The following SAMD9L variants were observed in gnomAD, a reference collection of about 807,000 sequenced individuals.
The protein encoded by SAMD9L is sterile alpha motif domain-containing protein 9-like.
In SAMD9L, 68 loss-of-function variants were observed where a neutral mutation model predicts 90.7. The observed-to-expected ratio is 0.75, with a 90% CI of 0.62 to 0.92. SAMD9L has a LOEUF of 0.92. Ranked by LOEUF, SAMD9L falls within the 40% of genes least tolerant of loss-of-function variation. The pLI is 0.00. For missense variants in SAMD9L, 1,604 were observed against 1,824.3 expected (o/e 0.88, Z 2.20); for synonymous variants, 640 against 630.1 (o/e 1.02, Z -0.23).
rs202116441 is a variant in SAMD9L, at chr7:93,135,226, A to G, written c.746T>C (p.Ile249Thr). Residue 249 changes from isoleucine to threonine, a missense_variant, in exon 5 of 5, where the codon ATT (isoleucine) becomes ACT (threonine). This residue lies in a region of SAMD9L where 374 missense variants were observed against 363.6 expected (regional missense o/e 1.03). Transcript: ENST00000318238. The stretch of plus-strand genomic sequence containing the variant: ...CTTACTGGTGATTTTCACACCAACA[A>G]TTTCTCCATGGGGTTTGTCCTTGAC... ...FGVKDKPHGE[I>T]VGVKITSKAA... 14 of 1,613,938 alleles carry G rather than the reference A, an allele frequency of 8.7e-6. No individual in the cohort carries two copies. The highest frequency in any genetic ancestry group is 8.5e-6 in the Non-Finnish European group (10 of 1,179,984).
At chr7:93,147,169 C>T (rs1166625777) in intron 1 of SAMD9L, 23 bp from the exon 2 acceptor site, 2 of 152,152 alleles carry the variant, frequency 1.3e-5, no homozygotes, top group Non-Finnish European at 2.9e-5. Context: ...AAAACAGACT[C>T]CAGATTTTTT....
At position 93,145,190 on chromosome 7, in the gene SAMD9L, A is replaced by G. The variant is rs193090518; in HGVS notation, c.-123+195T>C. On this transcript the variant is annotated intron_variant, in intron 3 of 4. Transcript: ENST00000318238. ...TGTTTAAAAATTCTGCAATCAGCAC[A>G]AGTTACATCTATTGATTCTCATATA... 1.1e-4 allele frequency among the ~76,000 whole-genome samples: 17 copies of G among 152,332 alleles called. 1 individual carries two copies. In the East Asian group the frequency reaches 3.1e-3, roughly 28 times the overall value.
rs991107216 is a variant in SAMD9L, at chr7:93,133,249, A to G, written c.2723T>C (p.Ile908Thr). 1 of 1,613,320 alleles carries G rather than the reference A, an allele frequency of 6.2e-7. No homozygotes were observed. The highest frequency in any genetic ancestry group is 8.5e-7 in the Non-Finnish European group (1 of 1,179,674). Residue 908 changes from isoleucine to threonine, a missense_variant, in exon 5 of 5, where the codon ATC (isoleucine) becomes ACC (threonine). Transcript: ENST00000318238. The part of the protein sequence containing the change: ...ETYIENVVRN[I>T]LKGQDVDSKE... ...GCTGTCAACATCCTGTCCTTTTAGG[A>G]TATTCCTGACTACATTTTCTATATA... is the stretch of plus-strand genomic sequence containing the variant.
At position 93,134,704 on chromosome 7, in the gene SAMD9L, T is replaced by G. The variant is rs1164791428; in HGVS notation, c.1268A>C (p.Lys423Thr). ...YYDWYILVTN[K>T]CHPNQIKHLD... Reference sequence around the variant, plus strand: ...GTGCTTTATTTGGTTTGGATGGCATTTATTTGTTACAAGAATGTACCAGTC... The same window carrying G: ...GTGCTTTATTTGGTTTGGATGGCATGTATTTGTTACAAGAATGTACCAGTC... The change falls in exon 5 of 5, where the codon AAA becomes ACA. Residue 423 changes from lysine to threonine, a missense_variant. Physicochemically the swap from Lys to Thr is moderately conservative, Grantham distance 78. Coordinates refer to ENST00000318238, the MANE Select transcript of SAMD9L (RefSeq NM_152703.5). The G allele has an allele frequency of 6.2e-7, 1 of 1,613,576 alleles. No homozygotes were observed. The highest frequency in any genetic ancestry group is 2.2e-5 in the East Asian group (1 of 44,878).
rs1032415059 is a variant in SAMD9L, at chr7:93,133,814, C to T, written c.2158G>A (p.Asp720Asn). The change falls in exon 5 of 5, where the codon GAT becomes AAT. Residue 720 changes from aspartate to asparagine, a missense_variant. Coordinates refer to ENST00000318238, the MANE Select transcript of SAMD9L (RefSeq NM_152703.5). ...VKRDSYEKLK[D>N]LIHCWAESPK... The stretch of plus-strand genomic sequence containing the variant: ...GACTCTGCCCAGCAGTGTATTAAAT[C>T]TTTAAGCTTTTCATAACTGTCCCTT... 1.2e-6 allele frequency: 2 copies of T among 1,613,478 alleles called. No homozygotes were observed. Among genetic ancestry groups the T allele is most frequent in the Middle Eastern group, 1.6e-4 (1 of 6,082 alleles).
In SAMD9L at chr7:93,131,665, G is replaced by T; in HGVS notation, c.4307C>A (p.Pro1436Gln). ...ATCTTGATCTAGCTCTTGATTTTCTGGCCAGAACAGGAGGCAGGCCAAGAA... is the reference window on the plus strand; with the variant it reads ...ATCTTGATCTAGCTCTTGATTTTCTTGCCAGAACAGGAGGCAGGCCAAGAA... ...PYFLACLLFW[P>Q]ENQELDQDSK... The change falls in exon 5 of 5, where the codon CCA (proline) becomes CAA (glutamine). Residue 1436 changes from proline to glutamine, a missense_variant. Physicochemically the swap from Pro to Gln is moderately conservative, Grantham distance 76. Transcript: ENST00000318238. 1 of 1,613,772 alleles carries T rather than the reference G, an allele frequency of 6.2e-7. No individual in the cohort carries two copies. The highest frequency in any genetic ancestry group is 8.5e-7 in the Non-Finnish European group (1 of 1,179,844).
At chr7:93,139,080 T>A (rs11975139) in intron 4 of SAMD9L, among the ~76,000 whole-genome samples, 1 of 151,992 alleles carries the variant, frequency 6.6e-6, no homozygotes, top group African/African-American at 2.4e-5. Flanking sequence ...CATTTTAATA[T>A]ATTTTGTATT....
rs150404840 is a variant in SAMD9L, at chr7:93,132,188, A to C, written c.3784T>G (p.Ser1262Ala). The C allele has an allele frequency of 9.9e-5, 159 of 1,613,580 alleles. No individual in the cohort carries two copies. Among genetic ancestry groups the C allele is most frequent in the Non-Finnish European group, 1.3e-4 (154 of 1,179,864 alleles). The change falls in exon 5 of 5, where the codon TCA (serine) becomes GCA (alanine). Residue 1262 changes from serine (S) to alanine (A), a missense_variant. Ser to Ala is a moderately conservative substitution (Grantham distance 99, BLOSUM62 1). This residue lies in a region of SAMD9L where 302 missense variants were observed against 314.7 expected (regional missense o/e 0.96). Transcript: ENST00000318238. ...AAGTCAAAGCACCTTTTCAGATCTG[A>C]TTGTAAATTTTTTAGGTGGGATGTG... ...KFTSHLKNLQ[S>A]DLKRCFDFFI...
Position 93,132,201 on chromosome 7 carries a change from T to C in SAMD9L, c.3771A>G (p.Leu1257=). 6.2e-7 allele frequency: 1 copy of C among 1,613,778 alleles called. No individual in the cohort carries two copies. The highest frequency in any genetic ancestry group is 8.5e-7 in the Non-Finnish European group (1 of 1,179,868). Reference sequence around the variant, plus strand: ...TTTTCAGATCTGATTGTAAATTTTTTAGGTGGGATGTGAACTTGCTAAGAG... The same window carrying C: ...TTTTCAGATCTGATTGTAAATTTTTCAGGTGGGATGTGAACTTGCTAAGAG... ...YLALSKFTSH[L]KNLQSDLKRC... is the part of the protein sequence containing the mutation. The change falls in exon 5 of 5, where the codon CTA becomes CTG. Residue 1257 remains leucine (L), a synonymous_variant. Transcript: ENST00000318238.
Position 93,132,368 on chromosome 7 carries a change from C to T in SAMD9L, c.3604G>A (p.Glu1202Lys). The stretch of plus-strand genomic sequence containing the variant: ...ATCTGGATAGTGTAAAGACCAACTT[C>T]TATTTCACCCAAGAAACAAGCTGTG... ...YNTACFLGEIEVGLYTIQILQ... is the reference protein window; with the variant it reads ...YNTACFLGEIKVGLYTIQILQ... The change falls in exon 5 of 5, where the codon GAA becomes AAA. Residue 1202 changes from glutamate to lysine, a missense_variant. Coordinates refer to ENST00000318238, the MANE Select transcript of SAMD9L (RefSeq NM_152703.5). The T allele has an allele frequency of 1.9e-6, 3 of 1,613,858 alleles. No individual in the cohort carries two copies. Among genetic ancestry groups the T allele is most frequent in the Non-Finnish European group, 2.5e-6 (3 of 1,179,850 alleles).
chr7:93,130,946 G>A lies in SAMD9L; in HGVS notation c.*271C>T. 1 of 309,556 alleles carries A rather than the reference G, an allele frequency of 3.2e-6. No homozygotes were observed. Among genetic ancestry groups the A allele is most frequent in the Non-Finnish European group, 5.9e-6 (1 of 170,398 alleles). The allele number at this position is 309,556 out of a possible 1,614,324, so 19.2% of individuals were successfully genotyped here. A position where few individuals can be genotyped will look rare whatever the true frequency, so the allele number is the denominator to read the frequency against. On this transcript the variant is annotated 3_prime_UTR_variant, in exon 5 of 5. Transcript: ENST00000318238. ...TTATTGCCCTATAGACAGTTATGAT[G>A]TGACCAGTGGATATCAATGAAACTT...
At position 93,135,090 on chromosome 7, in the gene SAMD9L, CAGA is replaced by C; in HGVS notation, c.879_881del (p.Leu294del). 6.2e-7 allele frequency: 1 copy of C among 1,612,888 alleles called. No homozygotes were observed. The highest frequency in any genetic ancestry group is 8.5e-7 in the Non-Finnish European group (1 of 1,179,910). On this transcript the variant is annotated inframe_deletion, in exon 5 of 5. Transcript: ENST00000318238. ...ATCTGTCAGATGGTGTATTGTTCTG[CAGA>C]AGGACTTCCACAAACCTTGGCTCCC...
At position 93,132,187 on chromosome 7, in the gene SAMD9L, G is replaced by C; in HGVS notation, c.3785C>G (p.Ser1262Ter). 2 of 1,613,648 alleles carry C rather than the reference G, an allele frequency of 1.2e-6. No homozygotes were observed. The highest frequency in any genetic ancestry group is 1.7e-4 in the Middle Eastern group (1 of 6,058). The change falls in exon 5 of 5, where the codon TCA becomes TGA. Residue 1262 changes from serine (S) to a stop codon, truncating the protein, a stop_gained. Coordinates refer to ENST00000318238, the MANE Select transcript of SAMD9L (RefSeq NM_152703.5). LOFTEE classifies it high-confidence loss of function. The stretch of plus-strand genomic sequence containing the variant: ...AAAGTCAAAGCACCTTTTCAGATCT[G>C]ATTGTAAATTTTTTAGGTGGGATGT... ...KFTSHLKNLQ[S>*]DLKRCFDFFI...
rs930034802 is a variant in SAMD9L at position 93,133,778 on chromosome 7, T to C, written c.2194A>G (p.Ile732Val). 19 of 1,613,798 alleles carry C rather than the reference T, an allele frequency of 1.2e-5. No individual in the cohort carries two copies. Among genetic ancestry groups the C allele is most frequent in the Non-Finnish European group, 1.4e-5 (17 of 1,179,910 alleles). ...IHCWAESPKP[I>V]FAKIINLYHH... Reference sequence around the variant, plus strand: ...TAAAGATTGATGATTTTTGCAAATATTGGTTTAGGAGACTCTGCCCAGCAG... The same window carrying C: ...TAAAGATTGATGATTTTTGCAAATACTGGTTTAGGAGACTCTGCCCAGCAG... The change falls in exon 5 of 5, where the codon ATA becomes GTA. Residue 732 changes from isoleucine (I) to valine (V), a missense_variant. Physicochemically the swap from Ile to Val is conservative, Grantham distance 29. Coordinates refer to ENST00000318238, the MANE Select transcript of SAMD9L (RefSeq NM_152703.5).
intron 4 of SAMD9L, among the ~76,000 whole-genome samples, chr7:93,140,573 C>A (rs1047384332): frequency 6.6e-6 from 1 of 152,234 alleles, no homozygotes; most frequent in Non-Finnish European, 1.5e-5. Flanking sequence ...ATCAAACTTA[C>A]AACACCTCCT....
rs186057217 is a variant in SAMD9L at position 93,131,740 on chromosome 7, C to T, written c.4232G>A (p.Arg1411Gln). 86 of 1,613,782 alleles carry T rather than the reference C, an allele frequency of 5.3e-5. No homozygotes were observed. In the South Asian group the frequency reaches 5.5e-4, roughly 10 times the overall value. Residue 1411 changes from arginine to glutamine, a missense_variant, in exon 5 of 5, where the codon CGA becomes CAA. Coordinates refer to ENST00000318238, the MANE Select transcript of SAMD9L (RefSeq NM_152703.5). The part of the protein sequence containing the change: ...QPLTTLKKQL[R>Q]EVLQFVGLSH... ...TAGTCCTACAAATTGCAAGACCTCT[C>T]GGAGTTGTTTTTTTAGCGTGGTAAG...
rs958073012 is a variant in SAMD9L at position 93,130,983 on chromosome 7, GA to G, written c.*233del. 41 of 391,190 alleles carry G rather than the reference GA, an allele frequency of 1.0e-4. No individual in the cohort carries two copies. Among genetic ancestry groups the G allele is most frequent in the African/African-American group, 8.1e-4 (39 of 48,064 alleles). 24.2% of individuals were successfully genotyped at this position (391,190 alleles called of 1,614,324 possible). A position where few individuals can be genotyped will look rare whatever the true frequency, so the allele number is the denominator to read the frequency against. On this transcript the variant is annotated 3_prime_UTR_variant, in exon 5 of 5. Transcript: ENST00000318238. ...TATCAATGAAACTTCTTAATTATTT[GA>G]GTCTGAAAATGCATATTTAAAACAT...
At chr7:93,144,544 G>T (rs922296765) in intron 4 of SAMD9L, among the ~76,000 whole-genome samples, 188 bp downstream of exon 4, 1 of 152,224 alleles carries the variant, frequency 6.6e-6, no homozygotes, top group Admixed American at 6.5e-5. Context: ...AGCATGTACA[G>T]GTTTTGGTAT....
Position 93,134,898 on chromosome 7 carries a change from T to C in SAMD9L, c.1074A>G (p.Gln358=). ...SSRDILANSK[Q]RDVDFKAFLQ... ...AAAATGCCTTGAAATCTACATCCCG[T>C]TGCTTGGAATTGGCCAGGATATCCC... The change falls in exon 5 of 5, where the codon CAA becomes CAG. Residue 358 remains glutamine, a synonymous_variant. Transcript: ENST00000318238. 1 of 1,614,036 alleles carries C rather than the reference T, an allele frequency of 6.2e-7. No homozygotes were observed. Among genetic ancestry groups the C allele is most frequent in the Non-Finnish European group, 8.5e-7 (1 of 1,179,942 alleles).
Sources: gnomAD v4.1 joint callset for allele counts (sites outside exome capture counted in the v4.1 genomes callset) on GRCh38, gnomAD v4.1.1 for gene constraint, gnomAD v4.1.1 regional missense constraint, MANE v1.5 for transcripts, NCBI Gene and HGNC (gene_info 2026-07-23, HGNC 2026-07-21) for gene names.